The following SCARB1 variants were observed in gnomAD, a reference collection of about 807,000 sequenced individuals.
The protein encoded by SCARB1 is CD36 and LIMPII analogous 1.
Under a neutral mutation model 57.2 loss-of-function variants are expected in SCARB1, and 30 were observed. The ratio of observed to expected loss-of-function variants is 0.52; its 90% CI spans 0.39 to 0.71. The LOEUF is 0.71. Ranked by LOEUF, SCARB1 falls within the 30% of genes least tolerant of loss-of-function variation. The pLI is 0.00. For missense variants in SCARB1, 543 were observed against 671.2 expected (o/e 0.81, Z 2.11); for synonymous variants, 249 against 268.3 (o/e 0.93, Z 0.70).
At chr12:124,853,906 C>A (rs1566261123) in intron 1 of SCARB1, among the ~76,000 whole-genome samples, 1 of 152,182 alleles carries the variant, frequency 6.6e-6, no homozygotes, top group African/African-American at 2.4e-5. Context: ...GGTCACGAAC[C>A]ATCCTGTGAA....
chr12:124,823,601 C>T (rs1179082176), intron 1 of SCARB1, among the ~76,000 whole-genome samples: 1 of 152,088 alleles, frequency 6.6e-6, no homozygotes, highest in East Asian at 1.9e-4. Flanking sequence ...GCAAAGTTAC[C>T]GTATGACCCT....
chr12:124,803,438 G>A (rs1192211861), intron 7 of SCARB1, among the ~76,000 whole-genome samples: 2 of 152,106 alleles, frequency 1.3e-5, no homozygotes, highest in Non-Finnish European at 2.9e-5. Flanking sequence ...GGGCATGGTA[G>A]CAACCGCTTG....
intron 10 of SCARB1, 23 bp downstream of exon 10, chr12:124,787,383 C>T (rs762389011): frequency 2.5e-6 from 4 of 1,612,316 alleles, no homozygotes; most frequent in Non-Finnish European, 2.5e-6. Context: ...AAGCCCCCGA[C>T]GCTGTGCCCA....
chr12:124,808,751 C>G (rs1445125982), intron 6 of SCARB1, among the ~76,000 whole-genome samples: 6 of 152,126 alleles, frequency 3.9e-5, no homozygotes, highest in African/African-American at 1.4e-4. Flanking sequence ...GCATGGCTGT[C>G]CATCCCGCCC....
chr12:124,785,867 A>G, intron 11 of SCARB1: 1 of 564,636 alleles, frequency 1.8e-6, no homozygotes, highest in South Asian at 2.7e-5. Flanking sequence ...CTGTATTTCT[A>G]TTTGGCTCTA....
At chr12:124,830,550 C>A (rs1951343109) in intron 1 of SCARB1, among the ~76,000 whole-genome samples, 1 of 152,116 alleles carries the variant, frequency 6.6e-6, no homozygotes, top group Non-Finnish European at 1.5e-5. Context: ...GTAAATCACA[C>A]ACAGGGACCA....
Position 124,800,526 on chromosome 12 carries a change from G to C in SCARB1, c.1010-284C>G, listed in dbSNP as rs1390739127. 6.6e-6 allele frequency among the ~76,000 whole-genome samples: 1 copy of C among 152,208 alleles called. No individual in the cohort carries two copies. The highest frequency in any genetic ancestry group is 1.5e-5 in the Non-Finnish European group (1 of 68,032). On this transcript the variant is annotated intron_variant, in intron 7 of 12. Transcript: ENST00000261693. This position sits in a 1 kb window ranked among gnomAD's most constrained non-coding sequence, Gnocchi z 4.8. ...CACAGGAGCCAGGTGAAGGATGCCC[G>C]GGAAGCGCATTCCAGGTGGAAGGGA...
intron 1 of SCARB1, among the ~76,000 whole-genome samples, chr12:124,846,316 A>T (rs1952149187): frequency 6.6e-6 from 1 of 152,226 alleles, no homozygotes; most frequent in Non-Finnish European, 1.5e-5. Context: ...TTCTCCATGC[A>T]GGTGAAGACA....
intron 1 of SCARB1, among the ~76,000 whole-genome samples, chr12:124,825,682 G>A (rs1256475382): frequency 6.6e-6 from 1 of 152,078 alleles, no homozygotes; most frequent in Non-Finnish European, 1.5e-5. Context: ...AAAAACAACA[G>A]AGAGCCCAGC....
intron 1 of SCARB1, among the ~76,000 whole-genome samples, chr12:124,828,856 A>G (rs1951272650): frequency 6.6e-6 from 1 of 152,218 alleles, no homozygotes; most frequent in Non-Finnish European, 1.5e-5. Flanking sequence ...ACCTCTGACC[A>G]AATGAGCCAA....
In SCARB1 at chr12:124,786,497, C is replaced by A; in HGVS notation, c.1261G>T (p.Ala421Ser). 1.2e-6 allele frequency: 2 copies of A among 1,614,002 alleles called. No homozygotes were observed. The highest frequency in any genetic ancestry group is 1.7e-6 in the Non-Finnish European group (2 of 1,179,996). Residue 421 changes from alanine (A) to serine (S), a missense_variant, in exon 11 of 13, where the codon GCC becomes TCC. Coordinates refer to ENST00000261693, the MANE Select transcript of SCARB1 (RefSeq NM_005505.5). ...GTGTGAAGAGTCTCCCCCTCCATGG[C>A]CCCGCTCTGAGGAGACAGAATGACA... The part of the protein sequence containing the change: ...LPLLWFAESG[A>S]MEGETLHTFY...
intron 2 of SCARB1, among the ~76,000 whole-genome samples, chr12:124,816,134 C>T (rs1417429673): frequency 1.3e-5 from 2 of 152,182 alleles, no homozygotes; most frequent in Admixed American, 1.3e-4. Context: ...GATGTGCTCC[C>T]GACCCTCCAG....
Position 124,819,288 on chromosome 12 carries a change from G to A in SCARB1, c.127-1581C>T, listed in dbSNP as rs189776756. ...CAACCACAGCCTGTGCAAAGGCCCT[G>A]TGGTAGGGAGACGCTGGGAGAGAGC... On this transcript the variant is annotated intron_variant, in intron 1 of 12. Coordinates refer to ENST00000261693, the MANE Select transcript of SCARB1 (RefSeq NM_005505.5). Among the ~76,000 whole-genome samples, 256 of 152,338 alleles carry A rather than the reference G, an allele frequency of 1.7e-3. 3 individuals carry two copies. Among genetic ancestry groups the A allele is most frequent in the African/African-American group, 6.0e-3 (248 of 41,578 alleles).
chr12:124,810,099 G>A lies in SCARB1; in HGVS notation c.842+75C>T. The A allele has an allele frequency of 1.1e-6, 1 of 912,466 alleles. No individual in the cohort carries two copies. 56.5% of individuals were successfully genotyped at this position (912,466 alleles called of 1,614,324 possible). A position where few individuals can be genotyped will look rare whatever the true frequency, so the allele number is the denominator to read the frequency against. ...CACGATGAGTCAAAATGCTTTCCAAGTGCACAGCCAACACCACAGAATTTG... is the reference window on the plus strand; with the variant it reads ...CACGATGAGTCAAAATGCTTTCCAAATGCACAGCCAACACCACAGAATTTG... On this transcript the variant is annotated intron_variant, in intron 6 of 12. Transcript: ENST00000261693. This position sits in a 1 kb window ranked among gnomAD's most constrained non-coding sequence, Gnocchi z 4.0.
intron 1 of SCARB1, among the ~76,000 whole-genome samples, chr12:124,855,240 A>G (rs1242576047): frequency 6.6e-6 from 1 of 152,214 alleles, no homozygotes; most frequent in African/African-American, 2.4e-5. Flanking sequence ...CAGCACAGGC[A>G]ATCAGTGAAC....
chr12:124,817,759 G>T lies in SCARB1; in HGVS notation c.127-52C>A. ...GTGAGGAGAGTGATGAGGGCCCCAC[G>T]CCCCACCACAAGGCTCCGGAACAGC... On this transcript the variant is annotated intron_variant, in intron 1 of 12. Transcript: ENST00000261693. The surrounding 1 kb of genome is among the most constrained non-coding windows in gnomAD (Gnocchi z 4.8). 1 of 1,598,420 alleles carries T rather than the reference G, an allele frequency of 6.3e-7. No individual in the cohort carries two copies. The highest frequency in any genetic ancestry group is 8.6e-7 in the Non-Finnish European group (1 of 1,166,182).
intron 1 of SCARB1, among the ~76,000 whole-genome samples, chr12:124,834,137 G>A (rs1014035087): frequency 6.6e-6 from 1 of 152,262 alleles, no homozygotes; most frequent in East Asian, 1.9e-4. Context: ...GAAGAATGCA[G>A]GCAACAGCCA....
chr12:124,823,395 T>C (rs1951017858), intron 1 of SCARB1, among the ~76,000 whole-genome samples: 1 of 152,150 alleles, frequency 6.6e-6, no homozygotes, highest in African/African-American at 2.4e-5. Context: ...GTGCTTGACA[T>C]CATCAGGGAA....
intron 1 of SCARB1, among the ~76,000 whole-genome samples, chr12:124,851,488 T>G (rs183925387): frequency 1.4e-4 from 21 of 152,198 alleles, no homozygotes; most frequent in African/African-American, 4.3e-4. Context: ...ATGACATGCT[T>G]ATGGGCCACA....
Sources: gnomAD v4.1 joint callset for allele counts (sites outside exome capture counted in the v4.1 genomes callset) on GRCh38, gnomAD v4.1.1 for gene constraint, Gnocchi (gnomAD v3.1) non-coding constraint, MANE v1.5 for transcripts, NCBI Gene and HGNC (gene_info 2026-07-23, HGNC 2026-07-21) for gene names.